GLIS1: variants seen among roughly 807,000 people sequenced by gnomAD.
The protein encoded by GLIS1 is GLIS family zinc finger 1, also known as zinc finger protein GLIS1.
In GLIS1, 24 loss-of-function variants were observed where a neutral mutation model predicts 63.8. The observed-to-expected ratio is 0.38, with a 90% confidence interval of 0.27 to 0.53. The LOEUF (loss-of-function observed/expected upper bound fraction) is 0.53, where lower values mean the gene tolerates loss of function less well. Ranked by LOEUF, GLIS1 falls within the 20% of genes least tolerant of loss-of-function variation. The probability of loss-of-function intolerance (pLI) is 0.85; values close to 1 mark genes in which losing one functional copy is unlikely to be tolerated. For synonymous variants in GLIS1, 450 were observed against 482.5 expected, an observed-to-expected ratio of 0.93 and a Z score of 0.88; for missense variants, 1,036 against 1,074.1, an observed-to-expected ratio of 0.96 and a Z score of 0.50.
chr1:53,594,520 T>C lies in GLIS1; in HGVS notation c.908A>G (p.Asp303Gly), dbSNP rs769255706. The change falls in exon 4 of 11, where the codon GAC becomes GGC. Residue 303 changes from aspartate to glycine, a missense_variant. Transcript: ENST00000628545. ...KRARPGPAST[D>G]SHEGSLQLEA... is the part of the protein sequence containing the mutation. The stretch of plus-strand genomic sequence containing the variant: ...AAGTTGCAAGCTGCCCTCATGGCTG[T>C]CCGTCGATGCAGGGCCAGGCCGGGC... 8.1e-6 allele frequency: 13 copies of C among 1,612,110 alleles called. No homozygotes were observed. Among genetic ancestry groups the C allele is most frequent in the Admixed American group, 1.7e-5 (1 of 60,006 alleles).
chr1:53,536,951 A>T (rs1291549197), intron 4 of GLIS1, among the ~76,000 whole-genome samples: 1 of 151,060 alleles, frequency 6.6e-6, no homozygotes, highest in African/African-American at 2.5e-5. Flanking sequence ...GCAGAAGATT[A>T]AAAAAACGGG....
chr1:53,609,811 G>GTA (rs977138641), intron 2 of GLIS1, among the ~76,000 whole-genome samples: 3 of 152,156 alleles, frequency 2.0e-5, no homozygotes, highest in Admixed American at 6.5e-5. Context: ...AACCTAGGTG[G>GTA]TATAGGCTAC....
At chr1:53,606,864 A>G (rs1288333037) in intron 2 of GLIS1, among the ~76,000 whole-genome samples, 2 of 152,214 alleles carry the variant, frequency 1.3e-5, no homozygotes, top group East Asian at 3.9e-4. Context: ...CCCCCTTTAA[A>G]GCTAAGCTAG....
intron 2 of GLIS1, among the ~76,000 whole-genome samples, chr1:53,675,692 C>T (rs533447697): frequency 3.3e-5 from 5 of 152,268 alleles, no homozygotes; most frequent in African/African-American, 7.2e-5. Context: ...GGCAAGAGGA[C>T]GGTTTTCCTC....
intron 4 of GLIS1, among the ~76,000 whole-genome samples, chr1:53,553,159 G>C (rs1363768860): frequency 6.6e-6 from 1 of 151,730 alleles, no homozygotes. Flanking sequence ...CAGCCTTGGC[G>C]AGCACACATT....
At chr1:53,645,774 T>C (rs1379880034) in intron 2 of GLIS1, among the ~76,000 whole-genome samples, 1 of 152,240 alleles carries the variant, frequency 6.6e-6, no homozygotes, top group African/African-American at 2.4e-5. Flanking sequence ...TAAGTAACTT[T>C]CCCAAGTTCA....
rs1645014324 is a variant in GLIS1, at chr1:53,574,623, C to T, written c.1320+19485G>A. 1.3e-5 allele frequency among the ~76,000 whole-genome samples: 2 copies of T among 152,220 alleles called. No homozygotes were observed. The highest frequency in any genetic ancestry group is 2.9e-5 in the Non-Finnish European group (2 of 68,034). ...GACTAGTTTTGGGGAAGAAGTTTCT[C>T]ACCCTTTCTCTGCCTGGAGAGGCTG... On this transcript the variant is annotated intron_variant, in intron 4 of 10. Coordinates refer to ENST00000628545, the MANE Select transcript of GLIS1 (RefSeq NM_001367484.1). The surrounding 1 kb of genome is among the most constrained non-coding windows in gnomAD (Gnocchi z 4.2).
chr1:53,730,415 C>A (rs1646848926), intron 2 of GLIS1, among the ~76,000 whole-genome samples: 1 of 152,114 alleles, frequency 6.6e-6, no homozygotes, highest in African/African-American at 2.4e-5. Context: ...CAGCAGCGTT[C>A]CAAAATAAAC....
chr1:53,564,185 A>T (rs1275754498), intron 4 of GLIS1, among the ~76,000 whole-genome samples: 3 of 152,230 alleles, frequency 2.0e-5, no homozygotes, highest in Non-Finnish European at 4.4e-5. Flanking sequence ...ACACTGTACA[A>T]CAAAAGCATG....
At chr1:53,530,019 C>G (rs928930729) in intron 4 of GLIS1, 67 bp from the exon 5 acceptor site, 1 of 1,475,828 alleles carries the variant, frequency 6.8e-7, no homozygotes, top group Non-Finnish European at 9.2e-7. Context: ...TGGAAACTAA[C>G]CCCCCAGGCC....
chr1:53,689,992 C>A (rs1015923423), intron 2 of GLIS1, among the ~76,000 whole-genome samples: 1 of 152,206 alleles, frequency 6.6e-6, no homozygotes, highest in African/African-American at 2.4e-5. Context: ...CCTATCTCTT[C>A]CCAAATGAAG....
intron 4 of GLIS1, among the ~76,000 whole-genome samples, chr1:53,579,507 T>C (rs12089978): frequency 0.19 from 29,430 of 152,256 alleles, 3,849 homozygotes; most frequent in African/African-American, 0.37. Flanking sequence ...TCAGGACAGA[T>C]CTTCCTGGGT....
intron 2 of GLIS1, among the ~76,000 whole-genome samples, chr1:53,648,028 C>T (rs992923086): frequency 3.3e-5 from 5 of 151,876 alleles, no homozygotes; most frequent in Non-Finnish European, 7.4e-5. Flanking sequence ...AAAAATTAGC[C>T]AGGCATGGTG....
At chr1:53,562,229 C>T (rs1363322687) in intron 4 of GLIS1, among the ~76,000 whole-genome samples, 1 of 152,196 alleles carries the variant, frequency 6.6e-6, no homozygotes, top group African/African-American at 2.4e-5. Context: ...GCCAGACCAT[C>T]TCTTCTTACA....
chr1:53,736,553 C>T (rs905628799), intron 2 of GLIS1, among the ~76,000 whole-genome samples: 3 of 152,144 alleles, frequency 2.0e-5, no homozygotes, highest in Non-Finnish European at 4.4e-5. Flanking sequence ...GTAAAAGAGA[C>T]CTCATATGTG....
At chr1:53,545,027 C>G (rs1018983238) in intron 4 of GLIS1, among the ~76,000 whole-genome samples, 17 of 152,220 alleles carry the variant, frequency 1.1e-4, no homozygotes, top group African/African-American at 4.1e-4. Context: ...GCCCCTGGAT[C>G]CTTAGGGCAG....
chr1:53,525,307 G>A (rs1336495526), intron 5 of GLIS1, among the ~76,000 whole-genome samples: 2 of 150,828 alleles, frequency 1.3e-5, no homozygotes, highest in African/African-American at 2.4e-5. Context: ...GGGGAAGGGG[G>A]CACCCACACA....
chr1:53,724,446 A>T (rs1426091456), intron 2 of GLIS1, among the ~76,000 whole-genome samples: 1 of 152,198 alleles, frequency 6.6e-6, no homozygotes, highest in African/African-American at 2.4e-5. Flanking sequence ...TTTAATTGTA[A>T]TTCATCTAAA....
At chr1:53,591,845 T>C (rs1468874202) in intron 4 of GLIS1, among the ~76,000 whole-genome samples, 1 of 152,244 alleles carries the variant, frequency 6.6e-6, no homozygotes, top group Non-Finnish European at 1.5e-5. Context: ...CCAACCTTTG[T>C]TTCTTCATTT....
Sources: allele counts gnomAD v4.1 joint callset (sites outside exome capture counted in the v4.1 genomes callset), GRCh38; gene constraint gnomAD v4.1.1; non-coding constraint Gnocchi (gnomAD v3.1); transcripts MANE v1.5; gene names NCBI Gene and HGNC (gene_info 2026-07-23, HGNC 2026-07-21).